CTNNBL1: variants seen among roughly 807,000 people sequenced by gnomAD.
The protein encoded by CTNNBL1 is catenin beta like 1, also known as beta-catenin-like protein 1.
CTNNBL1 carries 31 observed loss-of-function variants against 72.7 expected under a neutral mutation model. That is an observed-to-expected ratio of 0.43 (90% CI 0.32 to 0.58). The LOEUF (loss-of-function observed/expected upper bound fraction) is 0.58. CTNNBL1 is among the 20% of genes least tolerant of loss of function. The pLI is 0.08. For missense variants in CTNNBL1, 534 were observed against 725.1 expected (o/e 0.74, Z 3.03); for synonymous variants, 240 against 267.3 (o/e 0.90, Z 1.00).
In CTNNBL1 at chr20:37,757,699, T is replaced by C. The variant is rs1295192467; in HGVS notation, c.564+43T>C. 2.1e-6 allele frequency: 3 copies of C among 1,455,772 alleles called. No individual in the cohort carries two copies. In the African/African-American group the frequency reaches 4.2e-5, roughly 20 times the overall value. The allele number at this position is 1,455,772 out of a possible 1,614,324, so 90.2% of individuals were successfully genotyped here. On this transcript the variant is annotated intron_variant, in intron 5 of 15. Coordinates refer to ENST00000361383, the MANE Select transcript of CTNNBL1 (RefSeq NM_030877.5). ...TGGGGTTTTGCAGGTTTGTATAAGT[T>C]GTTGGCATTGCCACCACCATCGTCT...
chr20:37,758,933 A>C (rs1600469456), intron 5 of CTNNBL1, among the ~76,000 whole-genome samples: 1 of 150,462 alleles, frequency 6.6e-6, no homozygotes, highest in African/African-American at 2.4e-5. Context: ...CCCCCTCCTC[A>C]CCCTTTCTCA....
chr20:37,772,924 A>T (rs889025389), intron 7 of CTNNBL1, among the ~76,000 whole-genome samples: 4 of 152,322 alleles, frequency 2.6e-5, no homozygotes, highest in Non-Finnish European at 5.9e-5. Flanking sequence ...CCACTAATTT[A>T]TTCTTATGAG....
intron 11 of CTNNBL1, among the ~76,000 whole-genome samples, chr20:37,828,662 C>G (rs926516081): frequency 2.6e-5 from 4 of 152,190 alleles, no homozygotes; most frequent in Non-Finnish European, 5.9e-5. Context: ...TCTTGGAGTT[C>G]CTGGCCCCTA....
chr20:37,721,974 T>G (rs1175007082), intron 1 of CTNNBL1, among the ~76,000 whole-genome samples: 2 of 152,236 alleles, frequency 1.3e-5, no homozygotes, highest in East Asian at 3.8e-4. Context: ...TATCAACAGT[T>G]CTTGTTTCCC....
chr20:37,767,248 T>C (rs1235696260), intron 6 of CTNNBL1, among the ~76,000 whole-genome samples: 1 of 152,120 alleles, frequency 6.6e-6, no homozygotes, highest in Non-Finnish European at 1.5e-5. Context: ...TTAAGGACTC[T>C]AGGTGATTAA....
intron 7 of CTNNBL1, among the ~76,000 whole-genome samples, chr20:37,769,478 GTTGAT>G (rs1461283176): frequency 6.6e-6 from 1 of 152,146 alleles, no homozygotes; most frequent in Non-Finnish European, 1.5e-5. Flanking sequence ...TTGGCTTCTT[GTTGAT>G]TAGCCATTTG....
chr20:37,768,077 C>T (rs1432238905), intron 7 of CTNNBL1, 33 bp downstream of exon 7: 3 of 1,545,246 alleles, frequency 1.9e-6, no homozygotes, highest in Admixed American at 1.7e-5. Flanking sequence ...GCAGCTCACA[C>T]CTGTCTTTGC....
intron 11 of CTNNBL1, among the ~76,000 whole-genome samples, chr20:37,809,844 T>C (rs1213142017): frequency 1.3e-5 from 2 of 152,208 alleles, no homozygotes; most frequent in African/African-American, 4.8e-5. Context: ...TCAGTAAATA[T>C]TGAGTGAATG....
At chr20:37,864,219 A>G (rs903733689) in intron 15 of CTNNBL1, among the ~76,000 whole-genome samples, 3 of 132,576 alleles carry the variant, frequency 2.3e-5, no homozygotes, top group South Asian at 4.6e-4. Context: ...TCCTTCAATC[A>G]AAAGCCCAAG....
chr20:37,727,537 G>A (rs189357573), intron 1 of CTNNBL1: 73 of 161,274 alleles, frequency 4.5e-4, no homozygotes, highest in Middle Eastern at 3.2e-3. Context: ...AACCCTTAAA[G>A]GCTGATGTTC....
At chr20:37,828,270 T>C (rs543085997) in intron 11 of CTNNBL1, among the ~76,000 whole-genome samples, 77 of 152,212 alleles carry the variant, frequency 5.1e-4, no homozygotes, top group Non-Finnish European at 8.7e-4. Flanking sequence ...AGCTCTCACA[T>C]GTGTTGCAGA....
chr20:37,708,982 C>A (rs778241261), intron 1 of CTNNBL1, among the ~76,000 whole-genome samples: 1 of 152,032 alleles, frequency 6.6e-6, no homozygotes, highest in Non-Finnish European at 1.5e-5. Flanking sequence ...ACTGAAAATA[C>A]AAAAATTAGT....
chr20:37,854,849 A>G (rs2072425693), intron 13 of CTNNBL1, among the ~76,000 whole-genome samples: 1 of 151,874 alleles, frequency 6.6e-6, no homozygotes, highest in Non-Finnish European at 1.5e-5. Flanking sequence ...TCAGCCTCCC[A>G]AAGTGCTAGG....
Position 37,872,088 on chromosome 20 carries a change from G to T in CTNNBL1, c.*75G>T. ...ATCAGTTTCTACACAACTCTGTGTG[G>T]CTTTTGGACAAATTAAAGCTAGTTT... On this transcript the variant is annotated 3_prime_UTR_variant, in exon 16 of 16. Transcript: ENST00000361383. 1 of 1,334,124 alleles carries T rather than the reference G, an allele frequency of 7.5e-7. No individual in the cohort carries two copies. The highest frequency in any genetic ancestry group is 1.1e-6 in the Non-Finnish European group (1 of 929,012). 82.6% of individuals were successfully genotyped at this position (1,334,124 alleles called of 1,614,324 possible).
At chr20:37,840,556 T>C (rs2072295145) in intron 12 of CTNNBL1, among the ~76,000 whole-genome samples, 1 of 152,238 alleles carries the variant, frequency 6.6e-6, no homozygotes, top group Non-Finnish European at 1.5e-5. Context: ...CTGTTTTCGC[T>C]GCTTTTGAGA....
At chr20:37,733,113 A>G in intron 2 of CTNNBL1, 46 bp downstream of exon 2, 1 of 1,574,660 alleles carries the variant, frequency 6.4e-7, no homozygotes, top group Non-Finnish European at 8.7e-7. Flanking sequence ...TGGCCCTGTA[A>G]AACGTAATTT....
At chr20:37,796,604 G>T (rs949277263) in intron 10 of CTNNBL1, among the ~76,000 whole-genome samples, 2 of 151,998 alleles carry the variant, frequency 1.3e-5, no homozygotes, top group African/African-American at 4.8e-5. Flanking sequence ...CAATTAACTT[G>T]TATATTGATC....
At chr20:37,836,052 C>T (rs2072250828) in intron 11 of CTNNBL1, among the ~76,000 whole-genome samples, 1 of 152,082 alleles carries the variant, frequency 6.6e-6, no homozygotes, top group African/African-American at 2.4e-5. Context: ...TGATTTTTAC[C>T]TCATACATCC....
intron 11 of CTNNBL1, among the ~76,000 whole-genome samples, chr20:37,807,617 G>A (rs2071971138): frequency 6.6e-6 from 1 of 152,184 alleles, no homozygotes; most frequent in African/African-American, 2.4e-5. Flanking sequence ...GGGAGTAAAA[G>A]CAAAACTGCC....
Sources: gnomAD v4.1 joint callset for allele counts (sites outside exome capture counted in the v4.1 genomes callset) on GRCh38, gnomAD v4.1.1 for gene constraint, MANE v1.5 for transcripts, NCBI Gene and HGNC (gene_info 2026-07-23, HGNC 2026-07-21) for gene names.